Variants in RRM2B observed in about 807,000 individuals in gnomAD.
RRM2B encodes ribonucleotide reductase regulatory TP53 inducible subunit M2B, also known as ribonucleoside-diphosphate reductase subunit M2 B.
RRM2B carries 20 observed loss-of-function variants against 45.9 expected under a neutral mutation model. The ratio of observed to expected loss-of-function variants is 0.44; its 90% CI spans 0.31 to 0.63. The LOEUF (loss-of-function observed/expected upper bound fraction) is 0.63. Ranked by LOEUF, RRM2B falls within the 30% of genes least tolerant of loss-of-function variation. The probability of loss-of-function intolerance (pLI) is 0.09; values close to 1 mark genes in which losing one functional copy is unlikely to be tolerated. For synonymous variants in RRM2B, 124 were observed against 132.3 expected, an observed-to-expected ratio of 0.94 and a Z score of 0.43; for missense variants, 320 against 414.7, an observed-to-expected ratio of 0.77 and a Z score of 1.98.
At chr8:102,229,464 G>C (rs1338299676) in intron 2 of RRM2B, among the ~76,000 whole-genome samples, 1 of 152,250 alleles carries the variant, frequency 6.6e-6, no homozygotes, top group East Asian at 1.9e-4. Context: ...CAACGGAGCA[G>C]GGTGGAGGAA....
chr8:102,228,356 T>C lies in RRM2B; in HGVS notation c.205-2322A>G, dbSNP rs572380503. Among the ~76,000 whole-genome samples the C allele has an allele frequency of 2.6e-5, 4 of 152,322 alleles. No homozygotes were observed. The South Asian group carries it at 8.3e-4, about 32-fold the overall frequency. On this transcript the variant is annotated intron_variant, in intron 2 of 8. Coordinates refer to ENST00000251810, the MANE Select transcript of RRM2B (RefSeq NM_015713.5). ...CTCTTCCCACTGAGAGCCACTTTCA[T>C]TGGCAACAAAATCCTCTGTATTCAC...
chr8:102,216,796 C>A (rs1446704804), intron 6 of RRM2B, among the ~76,000 whole-genome samples: 1 of 151,674 alleles, frequency 6.6e-6, no homozygotes, highest in Non-Finnish European at 1.5e-5. Context: ...CAAATAAAAC[C>A]AATAATGAGA....
intron 1 of RRM2B, chr8:102,234,906 A>C (rs2853229): frequency 0.56 from 86,480 of 153,704 alleles, 24,976 homozygotes; most frequent in African/African-American, 0.7. Flanking sequence ...AGCCTACTAG[A>C]CATAGAAATT....
chr8:102,225,121 C>A, intron 3 of RRM2B, 103 bp from the exon 4 acceptor site: 1 of 1,184,174 alleles, frequency 8.4e-7, no homozygotes, highest in Non-Finnish European at 1.2e-6. Context: ...AACTGCCTGT[C>A]ATGTAACAAA....
At chr8:102,236,362 T>C (rs1022755756) in intron 1 of RRM2B, among the ~76,000 whole-genome samples, 2 of 152,086 alleles carry the variant, frequency 1.3e-5, no homozygotes, top group Non-Finnish European at 2.9e-5. Context: ...GGAATTAACA[T>C]GAATAGAGGT....
rs1810901051 is a variant in RRM2B at position 102,224,856 on chromosome 8, A to G, written c.455+29T>C. ...TCTGAACATAACCAAGCCGTAAGCA[A>G]TATTTTGTAAATAAAATCCCAACAA... On this transcript the variant is annotated intron_variant, in intron 4 of 8. Coordinates refer to ENST00000251810, the MANE Select transcript of RRM2B (RefSeq NM_015713.5). The G allele has an allele frequency of 3.1e-6, 5 of 1,608,274 alleles. 1 individual carries two copies. Among genetic ancestry groups the G allele is most frequent in the Non-Finnish European group, 4.3e-6 (5 of 1,174,922 alleles).
chr8:102,208,227 GT>G lies in RRM2B; in HGVS notation c.961del (p.Thr321GlnfsTer47). The G allele has an allele frequency of 1.2e-6, 2 of 1,604,338 alleles. No individual in the cohort carries two copies. Among genetic ancestry groups the G allele is most frequent in the Non-Finnish European group, 1.7e-6 (2 of 1,171,752 alleles). ...FMENISLEGK[T>X]NFFEKRVSEY... The stretch of plus-strand genomic sequence containing the variant: ...TGAAACTCGTTTCTCAAAGAAATTT[GT>G]TTTTCCTTCTAAAGAAATGTTTTCC... On this transcript the variant is annotated frameshift_variant, in exon 9 of 9. Coordinates refer to ENST00000251810, the MANE Select transcript of RRM2B (RefSeq NM_015713.5). LOFTEE classifies it high-confidence loss of function.
intron 2 of RRM2B, among the ~76,000 whole-genome samples, chr8:102,231,408 T>G (rs1031095269): frequency 6.6e-6 from 1 of 152,202 alleles, no homozygotes; most frequent in Non-Finnish European, 1.5e-5. Context: ...AAACTCTTCA[T>G]GCAGCGGCTC....
intron 6 of RRM2B, chr8:102,214,463 G>A (rs1020582072): frequency 1.7e-5 from 5 of 291,486 alleles, no homozygotes; most frequent in African/African-American, 6.6e-5. Context: ...AAGCAAGAAA[G>A]CCTGAAATGA....
intron 8 of RRM2B, among the ~76,000 whole-genome samples, chr8:102,211,138 A>G (rs1810628540): frequency 6.9e-6 from 1 of 145,984 alleles, no homozygotes; most frequent in South Asian, 2.2e-4. Context: ...CAGCTTCCCA[A>G]GTAACTGGGA....
At chr8:102,224,768 T>C (rs912637291) in intron 4 of RRM2B, 117 bp downstream of exon 4, 25 of 1,036,620 alleles carry the variant, frequency 2.4e-5, no homozygotes, top group Admixed American at 1.7e-4. Context: ...GAAAATATTA[T>C]GCTCAGAAAC....
At chr8:102,238,655 C>G in intron 1 of RRM2B, 172 bp downstream of exon 1, 1 of 1,536,900 alleles carries the variant, frequency 6.5e-7, no homozygotes, top group Non-Finnish European at 8.7e-7. Flanking sequence ...TCCGCCCTCC[C>G]CGGGGACGGC....
intron 2 of RRM2B, among the ~76,000 whole-genome samples, chr8:102,231,742 G>A (rs896634522): frequency 2.0e-5 from 3 of 151,778 alleles, no homozygotes; most frequent in East Asian, 1.9e-4. Context: ...GGTGGCTGGC[G>A]CCTGTAATCC....
Position 102,224,070 on chromosome 8 carries a change from T to A in RRM2B, c.526A>T (p.Ile176Leu), listed in dbSNP as rs1018893257. ...KKKADWALRW[I>L]ADRKSTFGER... ...CCAAAAGTAGATTTTCTATCTGCTA[T>A]CCATCGCAAGGCCCAATCTGCTTTT... is the stretch of plus-strand genomic sequence containing the variant. The change falls in exon 5 of 9, where the codon ATA (isoleucine) becomes TTA (leucine). Residue 176 changes from isoleucine to leucine, a missense_variant. Coordinates refer to ENST00000251810, the MANE Select transcript of RRM2B (RefSeq NM_015713.5). 6.2e-7 allele frequency: 1 copy of A among 1,613,190 alleles called. No individual in the cohort carries two copies. Among genetic ancestry groups the A allele is most frequent in the East Asian group, 2.2e-5 (1 of 44,872 alleles).
rs1264762555 is a variant in RRM2B, at chr8:102,214,336, C to A, written c.685-178G>T. ...TTTCAAATCTCATTAAATGCCAATA[C>A]AATAACCTATAATAAAAATTTTCAA... On this transcript the variant is annotated intron_variant, in intron 6 of 8. Transcript: ENST00000251810. The A allele has an allele frequency of 6.4e-6, 4 of 624,496 alleles. 1 individual carries two copies. The highest frequency in any genetic ancestry group is 2.9e-6 in the Non-Finnish European group (1 of 346,944). The allele number at this position is 624,496 out of a possible 1,614,324, so 38.7% of individuals were successfully genotyped here. A position where few individuals can be genotyped will look rare whatever the true frequency, so the allele number is the denominator to read the frequency against.
At chr8:102,221,109 TA>T (rs1416554697) in intron 5 of RRM2B, among the ~76,000 whole-genome samples, 5 of 152,202 alleles carry the variant, frequency 3.3e-5, no homozygotes, top group Non-Finnish European at 1.5e-5. Flanking sequence ...TATTTAAAGA[TA>T]TTTTAAAAAT....
rs752141121 is a variant in RRM2B at position 102,238,907 on chromosome 8, G to A, written c.-33C>T. On this transcript the variant is annotated 5_prime_UTR_variant, in exon 1 of 9. Transcript: ENST00000251810. Reference sequence around the variant, plus strand: ...ACTCCGCCGAAGCTACGGGCGCTGAGGGAACTGAGCTCCTCAGGCCACCTC... The same window carrying A: ...ACTCCGCCGAAGCTACGGGCGCTGAAGGAACTGAGCTCCTCAGGCCACCTC... The A allele has an allele frequency of 1.9e-6, 3 of 1,605,854 alleles. No homozygotes were observed. The highest frequency in any genetic ancestry group is 2.2e-5 in the East Asian group (1 of 44,862).
intron 8 of RRM2B, among the ~76,000 whole-genome samples, chr8:102,209,587 ATTAAACATGGAG>A (rs1810601325): frequency 6.6e-6 from 1 of 152,246 alleles, no homozygotes; most frequent in South Asian, 2.1e-4. Context: ...TCTTCTAATG[ATTAAACATGGAG>A]TTACCATATG....
intron 3 of RRM2B, among the ~76,000 whole-genome samples, chr8:102,225,228 C>CTTTTTTTTT (rs918693739): frequency 2.3e-5 from 2 of 87,508 alleles, no homozygotes; most frequent in African/African-American, 4.5e-5. Flanking sequence ...ATAGTATATT[C>CTTTTTTTTT]TTTTTTTTTT....
Sources: allele counts gnomAD v4.1 joint callset (sites outside exome capture counted in the v4.1 genomes callset), GRCh38; gene constraint gnomAD v4.1.1; transcripts MANE v1.5; gene names NCBI Gene and HGNC (gene_info 2026-07-23, HGNC 2026-07-21).